GRM7: variants seen among roughly 807,000 people sequenced by gnomAD.
GRM7 encodes the protein metabotropic glutamate receptor 7.
Under a neutral mutation model 84.5 loss-of-function variants are expected in GRM7, and 35 were observed. The observed-to-expected ratio is 0.41, with a 90% CI of 0.32 to 0.55. The LOEUF (loss-of-function observed/expected upper bound fraction) is 0.55, where lower values mean the gene tolerates loss of function less well. Among genes scored for constraint, GRM7 ranks in the 20% least tolerant of loss-of-function variants. GRM7 has a pLI of 0.19. For synonymous variants in GRM7, 487 were observed against 455.1 expected, an observed-to-expected ratio of 1.07 and a Z score of -0.89; for missense variants, 1,003 against 1,194.6, an observed-to-expected ratio of 0.84 and a Z score of 2.36.
chr3:7,688,679 G>C (rs1047655158), intron 9 of GRM7, among the ~76,000 whole-genome samples: 1 of 152,162 alleles, frequency 6.6e-6, no homozygotes, highest in African/African-American at 2.4e-5. Context: ...CCATTTCTAA[G>C]TGATTGCTTT....
intron 1 of GRM7, among the ~76,000 whole-genome samples, chr3:7,087,425 C>T (rs1054798121): frequency 5.4e-5 from 8 of 148,646 alleles, no homozygotes; most frequent in Admixed American, 2.7e-4. Flanking sequence ...CGAAAAATTA[C>T]TTGTAGGTCT....
At chr3:7,428,212 G>A (rs1696689521) in intron 5 of GRM7, among the ~76,000 whole-genome samples, 2 of 152,124 alleles carry the variant, frequency 1.3e-5, no homozygotes. Flanking sequence ...GTGTGTCTCT[G>A]CCATTCAATG....
intron 1 of GRM7, among the ~76,000 whole-genome samples, chr3:7,100,021 A>T (rs943842682): frequency 6.7e-6 from 1 of 148,832 alleles, no homozygotes; most frequent in Admixed American, 6.8e-5. Flanking sequence ...TATATGTAAT[A>T]TACATATATA....
chr3:7,616,963 G>C (rs1385275049), intron 8 of GRM7, among the ~76,000 whole-genome samples: 2 of 152,006 alleles, frequency 1.3e-5, no homozygotes, highest in Non-Finnish European at 2.9e-5. Context: ...AAGTTAACCG[G>C]GAAGAAGAAA....
At chr3:7,402,219 A>G (rs1250466619) in intron 4 of GRM7, among the ~76,000 whole-genome samples, 1 of 152,310 alleles carries the variant, frequency 6.6e-6, no homozygotes, top group East Asian at 1.9e-4. Flanking sequence ...GTTACCAAGG[A>G]AGAGAATCTG....
At chr3:7,241,627 T>G (rs1327892986) in intron 2 of GRM7, among the ~76,000 whole-genome samples, 1 of 152,068 alleles carries the variant, frequency 6.6e-6, no homozygotes, top group Non-Finnish European at 1.5e-5. Flanking sequence ...GCTACCTGCT[T>G]GGGTGAGCTG....
chr3:6,881,434 T>C (rs991767503), intron 1 of GRM7, among the ~76,000 whole-genome samples: 1 of 152,178 alleles, frequency 6.6e-6, no homozygotes, highest in African/African-American at 2.4e-5. Flanking sequence ...GGATAATGTC[T>C]TCCAGCTTTA....
chr3:7,734,134 G>C (rs1702420007), intron 9 of GRM7, among the ~76,000 whole-genome samples: 1 of 150,738 alleles, frequency 6.6e-6, no homozygotes, highest in East Asian at 2.0e-4. Flanking sequence ...CCATTCTCTT[G>C]AAGTGGATCA....
At chr3:7,530,614 T>G (rs1701000007) in intron 7 of GRM7, among the ~76,000 whole-genome samples, 1 of 152,194 alleles carries the variant, frequency 6.6e-6, no homozygotes, top group Non-Finnish European at 1.5e-5. Context: ...TATTGTTTCC[T>G]GACTTTTTAA....
intron 7 of GRM7, among the ~76,000 whole-genome samples, chr3:7,467,556 A>C (rs1441901942): frequency 6.6e-6 from 1 of 152,180 alleles, no homozygotes; most frequent in African/African-American, 2.4e-5. Flanking sequence ...AATCTGAGAC[A>C]TCAACATGCT....
intron 1 of GRM7, among the ~76,000 whole-genome samples, chr3:7,059,192 A>G (rs1406182758): frequency 6.6e-6 from 1 of 151,832 alleles, no homozygotes. Context: ...TTACACATAT[A>G]TGTAACAGTG....
intron 1 of GRM7, among the ~76,000 whole-genome samples, chr3:6,987,311 A>C (rs1694451696): frequency 6.6e-6 from 1 of 152,152 alleles, no homozygotes; most frequent in Non-Finnish European, 1.5e-5. Flanking sequence ...TCCTGCATTC[A>C]GAGCACCTAA....
At chr3:7,322,283 C>T (rs558213237) in intron 4 of GRM7, among the ~76,000 whole-genome samples, 1 of 7,436 alleles carries the variant, frequency 1.3e-4, no homozygotes, top group South Asian at 7.4e-3. Context: ...AAAATGAATA[C>T]TTGGGTTAAA....
intron 1 of GRM7, among the ~76,000 whole-genome samples, chr3:6,973,957 G>A (rs1693878851): frequency 6.6e-6 from 1 of 152,146 alleles, no homozygotes; most frequent in Non-Finnish European, 1.5e-5. Flanking sequence ...TTGTATGAGA[G>A]GGAAAACTGA....
chr3:7,409,437 G>A (rs1053411711), intron 4 of GRM7, among the ~76,000 whole-genome samples: 2 of 150,844 alleles, frequency 1.3e-5, no homozygotes, highest in Admixed American at 6.6e-5. Context: ...CTCTTTTTTT[G>A]GGGGGTGGGG....
At chr3:7,214,592 G>A (rs1029136153) in intron 2 of GRM7, among the ~76,000 whole-genome samples, 3 of 152,182 alleles carry the variant, frequency 2.0e-5, no homozygotes, top group African/African-American at 7.2e-5. Flanking sequence ...TACACATGTA[G>A]ACAAGTACTT....
intron 4 of GRM7, among the ~76,000 whole-genome samples, chr3:7,366,129 C>T (rs1284836727): frequency 1.3e-5 from 2 of 151,718 alleles, no homozygotes; most frequent in Non-Finnish European, 3.0e-5. Context: ...ATGCAGAGAT[C>T]TCCTTACTTC....
intron 8 of GRM7, among the ~76,000 whole-genome samples, chr3:7,631,350 C>G (rs1245929692): frequency 1.4e-5 from 2 of 142,190 alleles, no homozygotes; most frequent in African/African-American, 5.3e-5. Flanking sequence ...AGGAGCCGCA[C>G]AGAAGGATGT....
chr3:6,948,864 A>T (rs1373322184), intron 1 of GRM7, among the ~76,000 whole-genome samples: 4 of 152,158 alleles, frequency 2.6e-5, no homozygotes, highest in Admixed American at 2.0e-4. Flanking sequence ...TTTATCCAAG[A>T]CTAAGATTGC....
Sources: allele counts gnomAD v4.1 joint callset (sites outside exome capture counted in the v4.1 genomes callset), GRCh38; gene constraint gnomAD v4.1.1; transcripts MANE v1.5; gene names NCBI Gene and HGNC (gene_info 2026-07-23, HGNC 2026-07-21).